PKHD1: variants seen among roughly 807,000 people sequenced by gnomAD.
The protein encoded by PKHD1 is PKHD1 ciliary IPT domain containing fibrocystin/polyductin.
In PKHD1, 291 loss-of-function variants were observed where a neutral mutation model predicts 412.0. That is an observed-to-expected ratio of 0.71 (90% CI 0.64 to 0.78). The LOEUF (loss-of-function observed/expected upper bound fraction) is 0.78. Among genes scored for constraint, PKHD1 ranks in the 30% least tolerant of loss-of-function variants. The pLI is 0.00. For missense variants in PKHD1, 4,825 were observed against 4,950.7 expected (o/e 0.97, Z 0.76); for synonymous variants, 1,777 against 1,821.5 (o/e 0.98, Z 0.62).
At chr6:52,071,779 T>C (rs1254684427) in intron 8 of PKHD1, among the ~76,000 whole-genome samples, 1 of 152,142 alleles carries the variant, frequency 6.6e-6, no homozygotes. Context: ...TCCTCATCTA[T>C]AATGTGAGAC....
chr6:51,805,344 A>T (rs7773895), intron 52 of PKHD1, among the ~76,000 whole-genome samples: 6 of 151,872 alleles, frequency 4.0e-5, no homozygotes, highest in South Asian at 4.1e-4. Context: ...ACATGGACAT[A>T]GAAATGAAAA....
At chr6:52,066,145 T>C (rs1809673778) in intron 11 of PKHD1, 68 bp from the exon 12 acceptor site, 3 of 723,316 alleles carry the variant, frequency 4.1e-6, no homozygotes, top group Non-Finnish European at 7.3e-6. Flanking sequence ...TAGATAATAA[T>C]ATAATAATAG....
intron 52 of PKHD1, among the ~76,000 whole-genome samples, chr6:51,813,191 A>T (rs570376001): frequency 1.3e-5 from 2 of 152,262 alleles, no homozygotes; most frequent in East Asian, 1.9e-4. Flanking sequence ...AAACTCTTCA[A>T]ATATTTTGAA....
intron 37 of PKHD1, among the ~76,000 whole-genome samples, chr6:51,918,884 T>C (rs1784249635): frequency 6.6e-6 from 1 of 151,936 alleles, no homozygotes; most frequent in Non-Finnish European, 1.5e-5. Context: ...TATTGACCAG[T>C]AATGATGAGC....
At position 51,821,125 on chromosome 6, in the gene PKHD1, A is replaced by T. The variant is rs143656449; in HGVS notation, c.8302+9736T>A. 1.4e-4 allele frequency among the ~76,000 whole-genome samples: 22 copies of T among 152,248 alleles called. No individual in the cohort carries two copies. The East Asian group carries it at 4.1e-3, about 28-fold the overall frequency. Reference sequence around the variant, plus strand: ...CTTTTGTAAGAAAGGCCTTGGTAACACTCCTCAAAGAATATTAATTCCATG... The same window carrying T: ...CTTTTGTAAGAAAGGCCTTGGTAACTCTCCTCAAAGAATATTAATTCCATG... On this transcript the variant is annotated intron_variant, in intron 52 of 66. Transcript: ENST00000371117.
In PKHD1 at chr6:52,014,020, C is replaced by T. The variant is rs1581744177; in HGVS notation, c.5600+3390G>A. ...CCTTGAGTTCCAGTCTCAACACTGC[C>T]ATGGCTTGACTGTGTGACTTTGGGA... On this transcript the variant is annotated intron_variant, in intron 34 of 66. Transcript: ENST00000371117. Among the ~76,000 whole-genome samples, 4 of 152,336 alleles carry T rather than the reference C, an allele frequency of 2.6e-5. No individual in the cohort carries two copies. The East Asian group carries it at 7.7e-4, about 29-fold the overall frequency.
At chr6:51,816,235 T>TA (rs1196115727) in intron 52 of PKHD1, among the ~76,000 whole-genome samples, 2 of 151,706 alleles carry the variant, frequency 1.3e-5, no homozygotes, top group African/African-American at 2.4e-5. Flanking sequence ...TAAGGAAAAA[T>TA]AAAGGTTTTG....
At chr6:51,847,309 C>G (rs1236938574) in intron 50 of PKHD1, among the ~76,000 whole-genome samples, 2 of 148,402 alleles carry the variant, frequency 1.3e-5, no homozygotes, top group East Asian at 3.9e-4. Context: ...ACTTTGCTGC[C>G]CTGGCTGGTC....
At chr6:51,760,980 A>G (rs1787907724) in intron 55 of PKHD1, among the ~76,000 whole-genome samples, 1 of 152,120 alleles carries the variant, frequency 6.6e-6, no homozygotes, top group South Asian at 2.1e-4. Flanking sequence ...GCATACTGTT[A>G]GTAGAAATGT....
intron 60 of PKHD1, among the ~76,000 whole-genome samples, chr6:51,733,535 C>CA (rs11381839): frequency 0.8 from 103,443 of 128,982 alleles, 40,927 homozygotes; most frequent in East Asian, 0.88. Flanking sequence ...GACTCCCTCT[C>CA]AAAAAAAAAA....
At chr6:51,941,061 C>T (rs538414673) in intron 36 of PKHD1, among the ~76,000 whole-genome samples, 6 of 151,128 alleles carry the variant, frequency 4.0e-5, no homozygotes, top group African/African-American at 9.7e-5. Flanking sequence ...GTATCCCCCC[C>T]CACCTTAACC....
rs1417169945 is a variant in PKHD1 at position 51,753,246 on chromosome 6, G to A, written c.8905C>T (p.Leu2969=). The A allele has an allele frequency of 2.5e-6, 4 of 1,613,644 alleles. No homozygotes were observed. The highest frequency in any genetic ancestry group is 3.4e-6 in the Non-Finnish European group (4 of 1,179,700). The stretch of plus-strand genomic sequence containing the variant: ...GACTTCCTGAAGGACCCCACAAACA[G>A]TCTCCCCCTACATGATACGTCAGGC... ...IQPDVSCRGR[L]FVGSFRKSSR... The change falls in exon 57 of 67, where the codon CTG becomes TTG. Residue 2969 remains leucine, a synonymous_variant. Transcript: ENST00000371117.
chr6:51,666,095 C>T (rs1773718686), intron 60 of PKHD1, among the ~76,000 whole-genome samples: 1 of 152,022 alleles, frequency 6.6e-6, no homozygotes, highest in South Asian at 2.1e-4. Flanking sequence ...TGGTATAAAA[C>T]AGTCATTGTG....
At chr6:52,057,736 A>T (rs1293210701) in intron 16 of PKHD1, among the ~76,000 whole-genome samples, 2 of 152,144 alleles carry the variant, frequency 1.3e-5, no homozygotes, top group Non-Finnish European at 2.9e-5. Context: ...TCTTAAATCA[A>T]TTGTTACTTT....
intron 22 of PKHD1, 70 bp downstream of exon 22, chr6:52,050,087 A>C: frequency 6.6e-7 from 1 of 1,505,706 alleles, no homozygotes. Context: ...GAAAAAAGTC[A>C]CACCTGTGTC....
At chr6:52,070,318 T>C (rs1810412206) in intron 10 of PKHD1, 88 bp downstream of exon 10, 4 of 884,030 alleles carry the variant, frequency 4.5e-6, no homozygotes, top group Admixed American at 3.5e-5. Flanking sequence ...TTTTCCGTCA[T>C]AAAAAGATAA....
chr6:52,043,331 C>G (rs1581912986), intron 26 of PKHD1, among the ~76,000 whole-genome samples, 197 bp from the exon 27 acceptor site: 2 of 152,144 alleles, frequency 1.3e-5, no homozygotes, highest in East Asian at 3.8e-4. Flanking sequence ...CTTAAATTTT[C>G]TCTAACTAGT....
At chr6:51,825,046 G>A (rs998991912) in intron 52 of PKHD1, among the ~76,000 whole-genome samples, 1 of 152,192 alleles carries the variant, frequency 6.6e-6, no homozygotes, top group Non-Finnish European at 1.5e-5. Flanking sequence ...TCTTATTCAT[G>A]CAAGCCAACA....
chr6:51,758,972 A>T (rs1787529658), intron 55 of PKHD1, among the ~76,000 whole-genome samples: 1 of 152,204 alleles, frequency 6.6e-6, no homozygotes, highest in South Asian at 2.1e-4. Flanking sequence ...ACTGCATTTG[A>T]CCACAGGCTC....
Sources: gnomAD v4.1 joint callset for allele counts (sites outside exome capture counted in the v4.1 genomes callset) on GRCh38, gnomAD v4.1.1 for gene constraint, MANE v1.5 for transcripts, NCBI Gene and HGNC (gene_info 2026-07-23, HGNC 2026-07-21) for gene names.